The following SMARCA2 variants were observed in gnomAD, a reference collection of about 807,000 sequenced individuals.
SMARCA2 encodes the protein SWI/SNF related BAF chromatin remodeling complex subunit ATPase 2.
Under a neutral mutation model 199.8 loss-of-function variants are expected in SMARCA2, and 61 were observed. That is an observed-to-expected ratio of 0.31 (90% CI 0.25 to 0.38). SMARCA2 has a LOEUF of 0.38. Ranked by LOEUF, SMARCA2 falls within the 10% of genes least tolerant of loss-of-function variation. The pLI is 1.00. For missense variants in SMARCA2, 1,344 were observed against 2,012.2 expected, an observed-to-expected ratio of 0.67 and a Z score of 6.35; for synonymous variants, 935 against 732.0, an observed-to-expected ratio of 1.28 and a Z score of -4.48.
chr9:2,062,031 G>T (rs1405240865), intron 9 of SMARCA2, among the ~76,000 whole-genome samples: 1 of 152,142 alleles, frequency 6.6e-6, no homozygotes, highest in Non-Finnish European at 1.5e-5. Context: ...ATTATAGACT[G>T]TGCAAAACTC....
chr9:2,075,350 A>G (rs1322317187), intron 12 of SMARCA2: 1 of 152,260 alleles, frequency 6.6e-6, no homozygotes, highest in African/African-American at 2.4e-5. Flanking sequence ...CTGCTTTTCA[A>G]GGAAATTCTA....
chr9:2,131,971 T>G (rs1823981661), intron 27 of SMARCA2, among the ~76,000 whole-genome samples: 1 of 151,654 alleles, frequency 6.6e-6, no homozygotes, highest in Non-Finnish European at 1.5e-5. Flanking sequence ...AAATGACATT[T>G]ATAATACTAG....
At chr9:2,160,464 T>C in intron 27 of SMARCA2, 2 of 567,828 alleles carry the variant, frequency 3.5e-6, no homozygotes, top group South Asian at 2.4e-5. Flanking sequence ...TGTTTTGTGT[T>C]CTGCACCAGG....
chr9:2,192,640 T>C, intron 33 of SMARCA2, 64 bp from the exon 34 acceptor site: 1 of 1,128,256 alleles, frequency 8.9e-7, no homozygotes, highest in Non-Finnish European at 1.4e-6. Flanking sequence ...GATGGTTTGT[T>C]GTTATATCTT....
At chr9:2,128,165 C>T (rs7858344) in intron 27 of SMARCA2, among the ~76,000 whole-genome samples, 40,685 of 152,066 alleles carry the variant, frequency 0.27, 10,003 homozygotes, top group African/African-American at 0.65. Flanking sequence ...TGGATAAAGA[C>T]GTGGTGTTTA....
At chr9:2,160,383 T>C in intron 27 of SMARCA2, 1 of 536,384 alleles carries the variant, frequency 1.9e-6, no homozygotes. Flanking sequence ...CTTCTATGGA[T>C]TTGCACATTG....
rs1411081991 is a variant in SMARCA2 at position 2,047,309 on chromosome 9, C to A, written c.871C>A (p.Pro291Thr). 2.0e-6 allele frequency: 2 copies of A among 1,010,048 alleles called. No homozygotes were observed. The highest frequency in any genetic ancestry group is 2.4e-6 in the Non-Finnish European group (2 of 842,670). 62.6% of individuals were successfully genotyped at this position (1,010,048 alleles called of 1,614,324 possible). A position where few individuals can be genotyped will look rare whatever the true frequency, so the allele number is the denominator to read the frequency against. ...GCCCGGCGGCCGGCCCTCGCCCGCG[C>A]CCCCCGCAGCCGCGCAGCCGCCCGC... Reference protein sequence around the residue: ...PAPGGRPSPAPPAAAQPPAAA... With the variant: ...PAPGGRPSPATPAAAQPPAAA... Residue 291 changes from proline to threonine, a missense_variant, in exon 5 of 34, where the codon CCC becomes ACC. By Grantham distance (38) the Pro-to-Thr change is conservative. This residue lies in a region of SMARCA2 where 117 missense variants were observed against 99.1 expected (regional missense o/e 1.18). Transcript: ENST00000349721.
At chr9:2,041,261 T>C in intron 4 of SMARCA2, 1 of 398,494 alleles carries the variant, frequency 2.5e-6, no homozygotes, top group Non-Finnish European at 4.4e-6. Flanking sequence ...GATGTCTTAG[T>C]AAGTCTGAGC....
chr9:2,166,992 A>C (rs960860133), intron 28 of SMARCA2, among the ~76,000 whole-genome samples: 5 of 152,214 alleles, frequency 3.3e-5, no homozygotes, highest in Non-Finnish European at 7.3e-5. Context: ...ATCTTTTCTA[A>C]ATAGCCCTGT....
chr9:2,089,551 G>A (rs957646610), intron 19 of SMARCA2, among the ~76,000 whole-genome samples: 5 of 152,088 alleles, frequency 3.3e-5, no homozygotes, highest in South Asian at 2.1e-4. Context: ...ACTTTGTTAC[G>A]AGAGAATTTT....
At position 2,104,067 on chromosome 9, in the gene SMARCA2, G is replaced by A. The variant is rs1341469866; in HGVS notation, c.3190G>A (p.Ala1064Thr). ...LLDRILPKLR[A>T]TNHRVLLFCQ... ...TGATCGTATTCTGCCAAAATTGAGAGCGACTAATCACCGAGTGCTGCTTTT... is the reference window on the plus strand; with the variant it reads ...TGATCGTATTCTGCCAAAATTGAGAACGACTAATCACCGAGTGCTGCTTTT... The change falls in exon 23 of 34, where the codon GCG becomes ACG. Residue 1064 changes from alanine (A) to threonine (T), a missense_variant. Around this residue, in one of 18 missense-constraint regions of SMARCA2, gnomAD observed 98 missense variants for 245.6 expected, o/e 0.40. Coordinates refer to ENST00000349721, the MANE Select transcript of SMARCA2 (RefSeq NM_003070.5). This position sits in a 1 kb window ranked among gnomAD's most constrained non-coding sequence, Gnocchi z 4.0. 6.2e-7 allele frequency: 1 copy of A among 1,614,042 alleles called. No homozygotes were observed.
rs201790820 is a variant in SMARCA2 at position 2,069,234 on chromosome 9, CT to C, written c.1693-1180del. On this transcript the variant is annotated intron_variant, in intron 9 of 33. Coordinates refer to ENST00000349721, the MANE Select transcript of SMARCA2 (RefSeq NM_003070.5). Reference sequence around the variant, plus strand: ...CCCGGCCGATATGACATAATCTTAACTTTTCATTTAGGTTGTTTTTGAGGCA... The same window carrying C: ...CCCGGCCGATATGACATAATCTTAACTTTCATTTAGGTTGTTTTTGAGGCA... Among the ~76,000 whole-genome samples, 1,003 of 151,820 alleles carry C rather than the reference CT, an allele frequency of 6.6e-3. 39 individuals carry two copies. In the East Asian group the frequency reaches 0.11, roughly 17 times the overall value.
At position 2,093,396 on chromosome 9, in the gene SMARCA2, C is replaced by T. The variant is rs117144917; in HGVS notation, c.2884-3261C>T. Among the ~76,000 whole-genome samples, 31 of 152,260 alleles carry T rather than the reference C, an allele frequency of 2.0e-4. No individual in the cohort carries two copies. In the South Asian group the frequency reaches 4.1e-3, roughly 20 times the overall value. On this transcript the variant is annotated intron_variant, in intron 19 of 33. Transcript: ENST00000349721. ...GACACCGGTACCTATGTGGTAGGTACGTATGTGTGTCTGAAAGCGAGTCAT... is the reference window on the plus strand; with the variant it reads ...GACACCGGTACCTATGTGGTAGGTATGTATGTGTGTCTGAAAGCGAGTCAT...
At position 2,115,090 on chromosome 9, in the gene SMARCA2, T is replaced by C. The variant is rs1823160167; in HGVS notation, c.3457-732T>C. ...GAGAGAGTAAATTATTCTGAGAAGG[T>C]ACATCCTTATTTCTAAATCTTTGTG... is the stretch of plus-strand genomic sequence containing the variant. On this transcript the variant is annotated intron_variant, in intron 24 of 33. Coordinates refer to ENST00000349721, the MANE Select transcript of SMARCA2 (RefSeq NM_003070.5). The surrounding 1 kb of genome is among the most constrained non-coding windows in gnomAD (Gnocchi z 6.0). 6.6e-6 allele frequency among the ~76,000 whole-genome samples: 1 copy of C among 152,194 alleles called. No individual in the cohort carries two copies. Among genetic ancestry groups the C allele is most frequent in the Non-Finnish European group, 1.5e-5 (1 of 68,036 alleles).
intron 27 of SMARCA2, among the ~76,000 whole-genome samples, chr9:2,127,068 C>G (rs1823728793): frequency 6.6e-6 from 1 of 152,322 alleles, no homozygotes; most frequent in East Asian, 1.9e-4. Flanking sequence ...TTCTCTTGAA[C>G]TTTCCTCCTC....
In SMARCA2 at chr9:2,110,979, T is replaced by C. The variant is rs1361146326; in HGVS notation, c.3456+562T>C. On this transcript the variant is annotated intron_variant, in intron 24 of 33. Coordinates refer to ENST00000349721, the MANE Select transcript of SMARCA2 (RefSeq NM_003070.5). This position sits in a 1 kb window ranked among gnomAD's most constrained non-coding sequence, Gnocchi z 4.8. ...CAAAACATATTCTAATGAGCATTTA[T>C]TGTTGTAAAGCTCTTTTAGCCAGGT... 6.6e-6 allele frequency among the ~76,000 whole-genome samples: 1 copy of C among 152,176 alleles called. No individual in the cohort carries two copies. Among genetic ancestry groups the C allele is most frequent in the East Asian group, 1.9e-4 (1 of 5,204 alleles).
chr9:2,018,207 G>A (rs1818446162), intron 1 of SMARCA2, among the ~76,000 whole-genome samples: 2 of 152,230 alleles, frequency 1.3e-5, no homozygotes, highest in Admixed American at 6.5e-5. Flanking sequence ...GGGAATCGAG[G>A]GAGTGGGGGT....
At chr9:2,030,628 C>A (rs1456059480) in intron 2 of SMARCA2, among the ~76,000 whole-genome samples, 1 of 146,722 alleles carries the variant, frequency 6.8e-6, no homozygotes, top group East Asian at 2.0e-4. Flanking sequence ...CTGATTTATT[C>A]AGTCTAACAA....
chr9:2,015,750 A>G (rs1818326759), intron 1 of SMARCA2, among the ~76,000 whole-genome samples: 1 of 152,180 alleles, frequency 6.6e-6, no homozygotes, highest in African/African-American at 2.4e-5. Flanking sequence ...AAAAATCCCA[A>G]CAAGCCACAG....
Sources: gnomAD v4.1 joint callset for allele counts (sites outside exome capture counted in the v4.1 genomes callset) on GRCh38, gnomAD v4.1.1 for gene constraint, gnomAD v4.1.1 regional missense constraint, Gnocchi (gnomAD v3.1) non-coding constraint, MANE v1.5 for transcripts, NCBI Gene and HGNC (gene_info 2026-07-23, HGNC 2026-07-21) for gene names.